DLGAP4: variants seen among roughly 807,000 people sequenced by gnomAD.
The protein encoded by DLGAP4 is disks large-associated protein 4.
A neutral mutation model predicts 86.9 loss-of-function variants in DLGAP4; 18 were observed. The observed-to-expected ratio is 0.21, with a 90% CI of 0.14 to 0.31. The LOEUF (loss-of-function observed/expected upper bound fraction) is 0.31, where lower values mean the gene tolerates loss of function less well. DLGAP4 is among the 10% of genes least tolerant of loss of function. The pLI, the probability that DLGAP4 is intolerant of heterozygous loss-of-function variation, is 1.00. For missense variants in DLGAP4, 1,085 were observed against 1,362.6 expected (o/e 0.80, Z 3.21); for synonymous variants, 548 against 574.3 (o/e 0.95, Z 0.65).
intron 2 of DLGAP4, among the ~76,000 whole-genome samples, chr20:36,394,383 TG>T (rs2031879719): frequency 6.6e-6 from 1 of 152,152 alleles, no homozygotes; most frequent in Non-Finnish European, 1.5e-5. Context: ...GACTCTGCCC[TG>T]TGGGGGTGTG....
intron 10 of DLGAP4, among the ~76,000 whole-genome samples, chr20:36,502,488 C>T (rs1179645181): frequency 6.6e-6 from 1 of 152,144 alleles, no homozygotes; most frequent in Non-Finnish European, 1.5e-5. Context: ...TAGCAAAGGA[C>T]TACCACAGAG....
At chr20:36,396,564 A>G (rs973847104) in intron 2 of DLGAP4, among the ~76,000 whole-genome samples, 3 of 29,656 alleles carry the variant, frequency 1.0e-4, no homozygotes, top group Non-Finnish European at 2.0e-4. Flanking sequence ...AGACACACAC[A>G]TACACACACC....
At chr20:36,452,404 T>G (rs1483652445) in intron 7 of DLGAP4, among the ~76,000 whole-genome samples, 2 of 152,148 alleles carry the variant, frequency 1.3e-5, no homozygotes. Context: ...GGTTTTGAAC[T>G]CCTGGGCTCA....
Position 36,431,561 on chromosome 20 carries a change from C to A in DLGAP4, c.-72-85C>A. 1.2e-6 allele frequency: 1 copy of A among 804,918 alleles called. No homozygotes were observed. Among genetic ancestry groups the A allele is most frequent in the Non-Finnish European group, 1.9e-6 (1 of 526,474 alleles). The allele number at this position is 804,918 out of a possible 1,614,324, so 49.9% of individuals were successfully genotyped here. A position where few individuals can be genotyped will look rare whatever the true frequency, so the allele number is the denominator to read the frequency against. The stretch of plus-strand genomic sequence containing the variant: ...GGACTGGCTTCAGAGATCCTCCCAG[C>A]CTTGCGATCTGGATCTGACCTTCCC... On this transcript the variant is annotated intron_variant, in intron 2 of 12. Coordinates refer to ENST00000339266, the MANE Select transcript of DLGAP4 (RefSeq NM_001365621.2). The surrounding 1 kb of genome is among the most constrained non-coding windows in gnomAD (Gnocchi z 5.1).
intron 7 of DLGAP4, among the ~76,000 whole-genome samples, chr20:36,473,820 G>A (rs2034786645): frequency 6.6e-6 from 1 of 152,108 alleles, no homozygotes; most frequent in African/African-American, 2.4e-5. Context: ...CAGAGCTGGA[G>A]TCCAGTCCCT....
intron 1 of DLGAP4, among the ~76,000 whole-genome samples, chr20:36,314,047 T>C (rs962843466): frequency 0.08 from 12,120 of 152,122 alleles, 1,193 homozygotes; most frequent in African/African-American, 0.23. Context: ...TGTCGGCATC[T>C]GACACTTCCT....
rs374105039 is a variant in DLGAP4 at position 36,455,630 on chromosome 20, CTCTA to C, written c.1648+8697_1648+8700del. On this transcript the variant is annotated intron_variant, in intron 7 of 12. Coordinates refer to ENST00000339266, the MANE Select transcript of DLGAP4 (RefSeq NM_001365621.2). Reference sequence around the variant, plus strand: ...CCTGCCCTTCCCTGGGCCTCAAAGTCTCTATCTGTGTTGTGAGGCCTTGGTTTGG... The same window carrying C: ...CCTGCCCTTCCCTGGGCCTCAAAGTCTCTGTGTTGTGAGGCCTTGGTTTGG... Among the ~76,000 whole-genome samples the C allele has an allele frequency of 5.7e-3, 868 of 152,250 alleles. 10 individuals carry two copies. Among genetic ancestry groups the C allele is most frequent in the African/African-American group, 0.018 (760 of 41,538 alleles).
At position 36,508,489 on chromosome 20, in the gene DLGAP4, C is replaced by T. The variant is rs1331566779; in HGVS notation, c.2512+7878C>T. Among the ~76,000 whole-genome samples, 10 of 143,800 alleles carry T rather than the reference C, an allele frequency of 7.0e-5. No homozygotes were observed. In the South Asian group the frequency reaches 8.7e-4, roughly 13 times the overall value. The allele number at this position is 143,800 out of a possible 152,430, so 94.3% of individuals were successfully genotyped here. A position where few individuals can be genotyped will look rare whatever the true frequency, so the allele number is the denominator to read the frequency against. ...TTACCTAGTCTGGAGTGCAATGGCG[C>T]GATCTCGGCTCACCGCAACCTCCAC... On this transcript the variant is annotated intron_variant, in intron 10 of 12. Transcript: ENST00000339266.
chr20:36,321,229 G>A (rs998197485), intron 1 of DLGAP4, among the ~76,000 whole-genome samples: 5 of 152,226 alleles, frequency 3.3e-5, no homozygotes, highest in African/African-American at 9.6e-5. Context: ...ACCTGGAGAC[G>A]AAACAGGCAT....
Position 36,432,866 on chromosome 20 carries a change from C to A in DLGAP4, c.999+150C>A. ...AAAATGGGTGGCCTAGTGGTACCTG[C>A]TAATCAGGGAGTCCTTCCACTGGTC... On this transcript the variant is annotated intron_variant, in intron 3 of 12. Coordinates refer to ENST00000339266, the MANE Select transcript of DLGAP4 (RefSeq NM_001365621.2). This position sits in a 1 kb window ranked among gnomAD's most constrained non-coding sequence, Gnocchi z 6.5. The A allele has an allele frequency of 3.0e-6, 3 of 989,192 alleles. No homozygotes were observed. The highest frequency in any genetic ancestry group is 4.5e-6 in the Non-Finnish European group (3 of 670,940). 61.3% of individuals were successfully genotyped at this position (989,192 alleles called of 1,614,324 possible).
At chr20:36,461,655 G>GCCGCCCCCCCC in intron 7 of DLGAP4, 1 of 352,246 alleles carries the variant, frequency 2.8e-6, no homozygotes, top group Non-Finnish European at 3.1e-6. Flanking sequence ...GGAGACGGGG[G>GCCGCCCCCCCC]CCGCCCCGCC....
intron 7 of DLGAP4, among the ~76,000 whole-genome samples, chr20:36,453,771 A>G (rs960482340): frequency 4.0e-5 from 6 of 150,940 alleles, no homozygotes; most frequent in African/African-American, 1.5e-4. Flanking sequence ...TGTCTCTGCT[A>G]AAAATACAAA....
At chr20:36,513,599 A>G (rs949797416) in intron 10 of DLGAP4, among the ~76,000 whole-genome samples, 1 of 150,870 alleles carries the variant, frequency 6.6e-6, no homozygotes, top group Non-Finnish European at 1.5e-5. Flanking sequence ...TGGCTTCTCT[A>G]TCCAAATGAG....
At chr20:36,487,517 C>T (rs1396364526) in intron 7 of DLGAP4, among the ~76,000 whole-genome samples, 3 of 152,156 alleles carry the variant, frequency 2.0e-5, no homozygotes, top group African/African-American at 7.2e-5. Flanking sequence ...TTCCTCAATC[C>T]CTATCCTCCC....
intron 2 of DLGAP4, among the ~76,000 whole-genome samples, chr20:36,409,808 C>T (rs1291265673): frequency 9.9e-5 from 15 of 151,644 alleles, no homozygotes; most frequent in African/African-American, 1.2e-4. Flanking sequence ...CCAAGGTGGG[C>T]GGATCACGAG....
chr20:36,460,310 A>G (rs996894664), intron 7 of DLGAP4, among the ~76,000 whole-genome samples: 1 of 152,224 alleles, frequency 6.6e-6, no homozygotes, highest in South Asian at 2.1e-4. Flanking sequence ...AAAAATAAAA[A>G]TAACCAACTT....
intron 7 of DLGAP4, among the ~76,000 whole-genome samples, chr20:36,493,653 C>T (rs779754960): frequency 6.6e-6 from 1 of 152,218 alleles, no homozygotes; most frequent in Non-Finnish European, 1.5e-5. Flanking sequence ...CCCCAAACAC[C>T]GGCAGCCCAG....
Position 36,527,734 on chromosome 20 carries a change from AT to A in DLGAP4, c.*704del, listed in dbSNP as rs2037856564. The A allele has an allele frequency of 6.5e-6, 1 of 152,744 alleles. No individual in the cohort carries two copies. Among genetic ancestry groups the A allele is most frequent in the Non-Finnish European group, 1.5e-5 (1 of 68,110 alleles). 9.5% of individuals were successfully genotyped at this position (152,744 alleles called of 1,614,324 possible). On this transcript the variant is annotated 3_prime_UTR_variant, in exon 13 of 13. Transcript: ENST00000339266. ...GCAGGACTCACTCACCGCTGAGCAG[AT>A]GAGGGAAGTTTTAGTCTTGGCGGGT...
At chr20:36,371,940 A>G (rs2030956151) in intron 2 of DLGAP4, among the ~76,000 whole-genome samples, 1 of 151,834 alleles carries the variant, frequency 6.6e-6, no homozygotes, top group Admixed American at 6.6e-5. Flanking sequence ...ACTTGTGGGG[A>G]GGAACAGAGG....
Sources: allele counts gnomAD v4.1 joint callset (sites outside exome capture counted in the v4.1 genomes callset), GRCh38; gene constraint gnomAD v4.1.1; non-coding constraint Gnocchi (gnomAD v3.1); transcripts MANE v1.5; gene names NCBI Gene and HGNC (gene_info 2026-07-23, HGNC 2026-07-21).